The following TENM4 variants were observed in gnomAD, a reference collection of about 807,000 sequenced individuals.
TENM4 encodes teneurin-4.
Under a neutral mutation model 243.3 loss-of-function variants are expected in TENM4, and 82 were observed. The observed-to-expected ratio is 0.34, with a 90% CI of 0.28 to 0.40. The LOEUF (loss-of-function observed/expected upper bound fraction) is 0.40. Ranked by LOEUF, TENM4 falls within the 10% of genes least tolerant of loss-of-function variation. TENM4 has a pLI of 1.00. For synonymous variants in TENM4, 1,412 were observed against 1,456.3 expected, an observed-to-expected ratio of 0.97 and a Z score of 0.69; for missense variants, 3,138 against 3,673.3, an observed-to-expected ratio of 0.85 and a Z score of 3.77.
chr11:79,344,356 A>G (rs968747043), intron 1 of TENM4, among the ~76,000 whole-genome samples: 1 of 152,150 alleles, frequency 6.6e-6, no homozygotes, highest in African/African-American at 2.4e-5. Flanking sequence ...GAGGTGAGGA[A>G]GTCAGAGAAG....
At chr11:79,134,248 T>C (rs1862066860) in intron 4 of TENM4, among the ~76,000 whole-genome samples, 1 of 151,996 alleles carries the variant, frequency 6.6e-6, no homozygotes, top group Non-Finnish European at 1.5e-5. Flanking sequence ...CCTTTTACAA[T>C]AGCTGCAAAA....
chr11:79,082,442 A>G (rs1161206785), intron 4 of TENM4, among the ~76,000 whole-genome samples: 1 of 152,184 alleles, frequency 6.6e-6, no homozygotes, highest in Admixed American at 6.5e-5. Flanking sequence ...CCAGCAAGTG[A>G]AAAGCCAGAA....
At chr11:78,936,781 C>G (rs1022190357) in intron 6 of TENM4, among the ~76,000 whole-genome samples, 3 of 152,106 alleles carry the variant, frequency 2.0e-5, no homozygotes, top group African/African-American at 7.2e-5. Flanking sequence ...AATAATCATC[C>G]TGTACTATTG....
chr11:79,068,036 A>C (rs767978819), intron 5 of TENM4: 18 of 152,214 alleles, frequency 1.2e-4, no homozygotes, highest in Non-Finnish European at 2.2e-4. Context: ...AAAGACAAGG[A>C]GCCGCCCCTT....
chr11:78,956,247 A>G (rs1367859137), intron 6 of TENM4, among the ~76,000 whole-genome samples: 1 of 152,192 alleles, frequency 6.6e-6, no homozygotes, highest in Non-Finnish European at 1.5e-5. Context: ...TGGGAGTTGC[A>G]CGAGGGAACC....
intron 15 of TENM4, among the ~76,000 whole-genome samples, chr11:78,794,906 T>G (rs1857131937): frequency 6.6e-6 from 1 of 152,216 alleles, no homozygotes; most frequent in Admixed American, 6.5e-5. Context: ...TACCTTATCC[T>G]ATGCCACACA....
intron 23 of TENM4, among the ~76,000 whole-genome samples, chr11:78,725,113 G>GTTC (rs373905098): frequency 2.4e-4 from 37 of 152,316 alleles, no homozygotes; most frequent in African/African-American, 8.2e-4. Flanking sequence ...TTCTGAATGC[G>GTTC]TTCTATTCCA....
intron 3 of TENM4, among the ~76,000 whole-genome samples, chr11:79,167,121 C>T (rs866838678): frequency 9.6e-5 from 14 of 145,722 alleles, no homozygotes; most frequent in Middle Eastern, 3.7e-3. Context: ...CAGGCCGGCA[C>T]GGCAGTTCTA....
intron 12 of TENM4, among the ~76,000 whole-genome samples, chr11:78,843,288 A>T (rs1177853491): frequency 6.6e-6 from 1 of 152,116 alleles, no homozygotes; most frequent in Non-Finnish European, 1.5e-5. Context: ...CAAAAACATA[A>T]AAATAAACAT....
At chr11:78,844,786 G>T (rs1197468681) in intron 12 of TENM4, among the ~76,000 whole-genome samples, 2 of 152,194 alleles carry the variant, frequency 1.3e-5, no homozygotes, top group African/African-American at 4.8e-5. Context: ...AACCCTGCCA[G>T]TACCTTGATC....
chr11:78,913,790 T>C lies in TENM4; in HGVS notation c.494-10267A>G, dbSNP rs959808867. On this transcript the variant is annotated intron_variant, in intron 6 of 33. Coordinates refer to ENST00000278550, the MANE Select transcript of TENM4 (RefSeq NM_001098816.3). ...TGCTGGAGCGGGCCCAGAGGAGGGA[T>C]ACTGGATGGCGGGGTCAACTCAGTA... is the stretch of plus-strand genomic sequence containing the variant. Among the ~76,000 whole-genome samples, 10 of 152,220 alleles carry C rather than the reference T, an allele frequency of 6.6e-5. No individual in the cohort carries two copies. The South Asian group carries it at 1.9e-3, about 28-fold the overall frequency.
intron 6 of TENM4, among the ~76,000 whole-genome samples, chr11:79,010,278 C>A (rs1858609648): frequency 6.6e-6 from 1 of 152,140 alleles, no homozygotes; most frequent in African/African-American, 2.4e-5. Context: ...ACGGTTTCTG[C>A]TGCAAAGGAA....
intron 12 of TENM4, among the ~76,000 whole-genome samples, chr11:78,821,786 T>G (rs1857739824): frequency 6.6e-6 from 1 of 152,218 alleles, no homozygotes; most frequent in South Asian, 2.1e-4. Flanking sequence ...GTGGCCCTAA[T>G]AGGTTGACCA....
At chr11:79,138,556 T>C (rs1299195945) in intron 4 of TENM4, among the ~76,000 whole-genome samples, 3,817 of 33,682 alleles carry the variant, frequency 0.11, 268 homozygotes, top group Non-Finnish European at 0.14. Context: ...TATATTTATA[T>C]AAATACATAA....
intron 14 of TENM4, among the ~76,000 whole-genome samples, chr11:78,808,363 T>G (rs997722455): frequency 2.0e-5 from 3 of 152,190 alleles, no homozygotes; most frequent in African/African-American, 7.2e-5. Flanking sequence ...ACAATAACAA[T>G]CAACATTAAC....
intron 2 of TENM4, among the ~76,000 whole-genome samples, chr11:79,248,845 C>CCCT (rs1855563704): frequency 6.6e-6 from 1 of 152,130 alleles, no homozygotes; most frequent in African/African-American, 2.4e-5. Flanking sequence ...GACAAAGCTT[C>CCCT]CCTCCCCCAC....
chr11:78,660,271 C>T (rs775074583), intron 33 of TENM4, among the ~76,000 whole-genome samples: 1 of 152,206 alleles, frequency 6.6e-6, no homozygotes, highest in South Asian at 2.1e-4. Context: ...TGCTTTCAAA[C>T]CCTGGTCCCC....
Position 78,881,287 on chromosome 11 carries a change from G to A in TENM4, c.1084+8498C>T, listed in dbSNP as rs141014922. 5.4e-3 allele frequency among the ~76,000 whole-genome samples: 817 copies of A among 152,252 alleles called. 8 individuals carry two copies. The highest frequency in any genetic ancestry group is 0.018 in the African/African-American group (767 of 41,546). On this transcript the variant is annotated intron_variant, in intron 9 of 33. Coordinates refer to ENST00000278550, the MANE Select transcript of TENM4 (RefSeq NM_001098816.3). ...CTCACTCTCTATCCTTTTTCACCCT[G>A]CTCTGTGCCCTGGGAGGCTGGTCCA... is the stretch of plus-strand genomic sequence containing the variant.
At chr11:79,300,486 T>C (rs1177069920) in intron 1 of TENM4, among the ~76,000 whole-genome samples, 2 of 152,208 alleles carry the variant, frequency 1.3e-5, no homozygotes, top group African/African-American at 4.8e-5. Flanking sequence ...TGTTTGATTA[T>C]ATGCTTATAC....
Sources: gnomAD v4.1 joint callset for allele counts (sites outside exome capture counted in the v4.1 genomes callset) on GRCh38, gnomAD v4.1.1 for gene constraint, MANE v1.5 for transcripts, NCBI Gene and HGNC (gene_info 2026-07-23, HGNC 2026-07-21) for gene names.